NFIA: variants seen among roughly 807,000 people sequenced by gnomAD.
NFIA encodes the protein nuclear factor I A, also known as nuclear factor 1 A-type.
Under a neutral mutation model 62.8 loss-of-function variants are expected in NFIA, and 8 were observed. That is an observed-to-expected ratio of 0.13 (90% CI 0.07 to 0.23). NFIA has a LOEUF of 0.23. Ranked by LOEUF, NFIA falls within the 10% of genes least tolerant of loss-of-function variation. NFIA has a pLI of 1.00. For missense variants in NFIA, 410 were observed against 642.1 expected, an observed-to-expected ratio of 0.64 and a Z score of 3.91; for synonymous variants, 235 against 238.1, an observed-to-expected ratio of 0.99 and a Z score of 0.12.
chr1:61,249,163 G>A (rs1655847631), intron 2 of NFIA: 1 of 152,168 alleles, frequency 6.6e-6, no homozygotes. Flanking sequence ...AGTATCAAGT[G>A]TAGTGTAAAC....
chr1:61,290,340 T>C (rs1309596228), intron 3 of NFIA, among the ~76,000 whole-genome samples: 1 of 152,210 alleles, frequency 6.6e-6, no homozygotes, highest in African/African-American at 2.4e-5. Flanking sequence ...CATAAAATGT[T>C]TCTTTTCATT....
intron 10 of NFIA, among the ~76,000 whole-genome samples, chr1:61,431,734 A>ATGG (rs1182228676): frequency 6.6e-6 from 1 of 152,202 alleles, no homozygotes; most frequent in African/African-American, 2.4e-5. Context: ...TAGCCAAATT[A>ATGG]TGGGCATGAC....
At chr1:61,242,206 C>G (rs1168889513) in intron 2 of NFIA, among the ~76,000 whole-genome samples, 1 of 152,104 alleles carries the variant, frequency 6.6e-6, no homozygotes, top group East Asian at 1.9e-4. Context: ...GATGCAGGGT[C>G]CAACTTTTCA....
intron 2 of NFIA, among the ~76,000 whole-genome samples, chr1:61,187,423 T>TA (rs1362393782): frequency 6.6e-6 from 1 of 152,240 alleles, no homozygotes; most frequent in Non-Finnish European, 1.5e-5. Flanking sequence ...ATTTAAAAAT[T>TA]ACTCTTCTCG....
intron 3 of NFIA, among the ~76,000 whole-genome samples, chr1:61,303,472 A>G (rs141730663): frequency 3.4e-4 from 52 of 152,344 alleles, no homozygotes; most frequent in African/African-American, 1.1e-3. Context: ...TTGAAAGGCA[A>G]TGATGGCCAC....
intron 2 of NFIA, among the ~76,000 whole-genome samples, chr1:61,184,950 C>T (rs968147654): frequency 6.6e-6 from 1 of 152,204 alleles, no homozygotes; most frequent in Admixed American, 6.5e-5. Context: ...ATTCTTTTAA[C>T]CCTGAAAGTT....
At chr1:61,243,598 C>T (rs183291338) in intron 2 of NFIA, among the ~76,000 whole-genome samples, 67 of 152,024 alleles carry the variant, frequency 4.4e-4, no homozygotes, top group African/African-American at 1.4e-3. Flanking sequence ...AGATGACTAA[C>T]GTTGTTGTAG....
intron 4 of NFIA, among the ~76,000 whole-genome samples, chr1:61,334,485 G>T (rs1343062345): frequency 6.9e-6 from 1 of 144,466 alleles, no homozygotes; most frequent in East Asian, 2.0e-4. Context: ...ACATTTTCTT[G>T]TAATTTTAAT....
intron 4 of NFIA, among the ~76,000 whole-genome samples, chr1:61,348,554 C>A (rs1406989936): frequency 6.6e-6 from 1 of 152,110 alleles, no homozygotes; most frequent in Non-Finnish European, 1.5e-5. Context: ...CCAAGCTAAG[C>A]CCGTTTATGT....
At chr1:61,080,100 T>C (rs1044864561), upstream of NFIA, among the ~76,000 whole-genome samples, 1 of 152,140 alleles carries the variant, frequency 6.6e-6, no homozygotes, top group South Asian at 2.1e-4. Context: ...GTGCTGAACT[T>C]GGATCCAGCC....
chr1:61,232,808 A>T (rs1654759852), intron 2 of NFIA, among the ~76,000 whole-genome samples: 1 of 151,554 alleles, frequency 6.6e-6, no homozygotes, highest in Non-Finnish European at 1.5e-5. Flanking sequence ...CTTTTTTGAA[A>T]CCCATCTCAA....
rs887953865 is a variant in NFIA, at chr1:61,092,074, G to A, written c.559+3394G>A. ...GTAGAATAAAAGCTTGGAGGCAGCTGTGTGGGGACATTTAAAATCTAAAAT... is the reference window on the plus strand; with the variant it reads ...GTAGAATAAAAGCTTGGAGGCAGCTATGTGGGGACATTTAAAATCTAAAAT... On this transcript the variant is annotated intron_variant, in intron 2 of 10. Coordinates refer to ENST00000403491, the MANE Select transcript of NFIA (RefSeq NM_001134673.4). 2.0e-5 allele frequency among the ~76,000 whole-genome samples: 3 copies of A among 152,164 alleles called. 1 individual carries two copies. The highest frequency in any genetic ancestry group is 7.2e-5 in the African/African-American group (3 of 41,454).
chr1:61,462,756 C>CA lies in NFIA; in HGVS notation c.*7442dup, dbSNP rs1309527635. 1.3e-5 allele frequency: 2 copies of CA among 151,982 alleles called. No homozygotes were observed. The highest frequency in any genetic ancestry group is 2.9e-5 in the Non-Finnish European group (2 of 67,994). 9.4% of individuals were successfully genotyped at this position (151,982 alleles called of 1,614,324 possible). A position where few individuals can be genotyped will look rare whatever the true frequency, so the allele number is the denominator to read the frequency against. ...AGCAAGTACTGCATTTCCTATGCAA[C>CA]AAAAAAGGAAAAATAAAAAATTGCT... On this transcript the variant is annotated 3_prime_UTR_variant, in exon 11 of 11. Transcript: ENST00000403491.
At chr1:61,263,241 G>A (rs919404970) in intron 2 of NFIA, among the ~76,000 whole-genome samples, 1 of 152,136 alleles carries the variant, frequency 6.6e-6, no homozygotes, top group African/African-American at 2.4e-5. Flanking sequence ...CAAACTGATT[G>A]AATCACTGGT....
chr1:61,372,255 G>A (rs1663924714), intron 6 of NFIA, among the ~76,000 whole-genome samples: 1 of 152,020 alleles, frequency 6.6e-6, no homozygotes, highest in African/African-American at 2.4e-5. Flanking sequence ...TATGACTGAT[G>A]GAACTAACTC....
At chr1:61,386,336 A>G (rs1188512505) in intron 7 of NFIA, among the ~76,000 whole-genome samples, 1 of 152,186 alleles carries the variant, frequency 6.6e-6, no homozygotes, top group Non-Finnish European at 1.5e-5. Flanking sequence ...CACAACCCAA[A>G]ATAGTAAATT....
At chr1:61,106,172 A>G (rs1317960782) in intron 2 of NFIA, among the ~76,000 whole-genome samples, 2 of 151,684 alleles carry the variant, frequency 1.3e-5, no homozygotes, top group African/African-American at 2.4e-5. Context: ...TTCTTCATAT[A>G]TATGATATAT....
intron 10 of NFIA, among the ~76,000 whole-genome samples, chr1:61,452,947 G>C (rs1457372233): frequency 6.6e-6 from 1 of 152,126 alleles, no homozygotes; most frequent in Non-Finnish European, 1.5e-5. Context: ...AGAAAAAGAG[G>C]TGGGGGGCTG....
rs1400248770 is a variant in NFIA at position 61,348,215 on chromosome 1, G to C, written c.701-4235G>C. Among the ~76,000 whole-genome samples, 6 of 152,304 alleles carry C rather than the reference G, an allele frequency of 3.9e-5. No homozygotes were observed. In the East Asian group the frequency reaches 9.6e-4, roughly 24 times the overall value. ...TCTTTGGCTGTGACAGTGTCACTGA[G>C]TCAGAATCCAACCCAATAAGCCAAC... is the stretch of plus-strand genomic sequence containing the variant. On this transcript the variant is annotated intron_variant, in intron 4 of 10. Coordinates refer to ENST00000403491, the MANE Select transcript of NFIA (RefSeq NM_001134673.4).
Sources: allele counts gnomAD v4.1 joint callset (sites outside exome capture counted in the v4.1 genomes callset), GRCh38; gene constraint gnomAD v4.1.1; transcripts MANE v1.5; gene names NCBI Gene and HGNC (gene_info 2026-07-23, HGNC 2026-07-21).